Variants in SLC9A7 observed in about 807,000 individuals in gnomAD.
The protein encoded by SLC9A7 is sodium/hydrogen exchanger 7.
In SLC9A7, 19 loss-of-function variants were observed where a neutral mutation model predicts 52.6. The ratio of observed to expected loss-of-function variants is 0.36; its 90% CI spans 0.25 to 0.53. SLC9A7 has a LOEUF of 0.53. SLC9A7 is among the 20% of genes least tolerant of loss of function. The pLI, the probability that SLC9A7 is intolerant of heterozygous loss-of-function variation, is 0.91. For missense variants in SLC9A7, 455 were observed against 597.9 expected, an observed-to-expected ratio of 0.76 and a Z score of 2.49; for synonymous variants, 226 against 252.1, an observed-to-expected ratio of 0.90 and a Z score of 0.98.
chrX:46,748,355 A>AAAAG (rs201977520), intron 1 of SLC9A7, among the ~76,000 whole-genome samples: 1 of 59,964 alleles, frequency 1.7e-5, no homozygotes, highest in South Asian at 9.8e-4. Flanking sequence ...AAAAAAAAAA[A>AAAAG]AAAGAAAGAA....
chrX:46,697,720 C>T (rs1450792623), intron 1 of SLC9A7, among the ~76,000 whole-genome samples: 8 of 111,771 alleles, frequency 7.2e-5, no homozygotes, highest in Non-Finnish European at 1.5e-4. Flanking sequence ...ATCTGGGCAC[C>T]TTGAAAAAAG....
chrX:46,741,109 T>C (rs1287798113), intron 1 of SLC9A7, among the ~76,000 whole-genome samples: 2 of 112,046 alleles, frequency 1.8e-5, no homozygotes, highest in East Asian at 5.5e-4. Flanking sequence ...GACCTGTACA[T>C]TGAAACTATA....
Position 46,613,378 on chromosome X carries a change from G to C in SLC9A7, c.1840C>G (p.Leu614Val), listed in dbSNP as rs780977373. The change falls in exon 16 of 17, where the codon CTC becomes GTC. Residue 614 changes from leucine (L) to valine (V), a missense_variant. This residue lies in a region of SLC9A7 where 146 missense variants were observed against 160.5 expected (regional missense o/e 0.91). Coordinates refer to ENST00000616978, the MANE Select transcript of SLC9A7 (RefSeq NM_001257291.2). ...SFDHNYLKPI[L>V]THSGPPLTTT... Reference sequence around the variant, plus strand: ...GTTAGTGGGGGACCACTGTGTGTGAGGATGGGCTTCAGGTAACTTTAAAAT... The same window carrying C: ...GTTAGTGGGGGACCACTGTGTGTGACGATGGGCTTCAGGTAACTTTAAAAT... 3 of 1,193,695 alleles carry C rather than the reference G, an allele frequency of 2.5e-6. No homozygotes were observed. The highest frequency in any genetic ancestry group is 3.4e-6 in the Non-Finnish European group (3 of 885,132).
intron 7 of SLC9A7, among the ~76,000 whole-genome samples, chrX:46,656,127 G>C (rs1470262493): frequency 9.0e-6 from 1 of 111,328 alleles, no homozygotes; most frequent in Admixed American, 9.5e-5. Context: ...CACCTCACAC[G>C]GCCGGTTACT....
intron 1 of SLC9A7, among the ~76,000 whole-genome samples, chrX:46,682,960 A>T (rs868658467): frequency 1.7e-4 from 11 of 64,902 alleles, no homozygotes; most frequent in African/African-American, 4.2e-4. Flanking sequence ...CACCCGGCTA[A>T]TTTTTTTTTT....
chrX:46,607,855 A>G (rs970294352), intron 16 of SLC9A7, among the ~76,000 whole-genome samples: 4 of 112,020 alleles, frequency 3.6e-5, no homozygotes, highest in Non-Finnish European at 7.5e-5. Flanking sequence ...GAGGTCAGAC[A>G]GGACCTTCTT....
intron 7 of SLC9A7, among the ~76,000 whole-genome samples, chrX:46,658,795 C>T (rs1488502962): frequency 9.1e-6 from 1 of 110,155 alleles, no homozygotes; most frequent in Non-Finnish European, 1.9e-5. Flanking sequence ...ACCAGAGGTA[C>T]AAGGAGGAAC....
chrX:46,680,708 G>T (rs1335371533), intron 2 of SLC9A7, among the ~76,000 whole-genome samples: 1 of 112,406 alleles, frequency 8.9e-6, no homozygotes, highest in African/African-American at 3.2e-5. Flanking sequence ...CTATAAACAT[G>T]CTAATCTTTT....
intron 12 of SLC9A7, among the ~76,000 whole-genome samples, chrX:46,637,008 G>A (rs1192536710): frequency 8.9e-6 from 1 of 112,059 alleles, no homozygotes; most frequent in Non-Finnish European, 1.9e-5. Flanking sequence ...CTTAATGTAA[G>A]ATTCATTGTC....
chrX:46,738,087 GAAAGAAAGAAAGAAAGAAAGAGA>G (rs1569525266), intron 1 of SLC9A7, among the ~76,000 whole-genome samples: 15 of 67,872 alleles, frequency 2.2e-4, no homozygotes, highest in South Asian at 6.1e-4. Flanking sequence ...AAGAAAGAAA[GAAAGAAAGAAAGAAAGAAAGAGA>G]AAAGAAAAGA....
rs1259127290 is a variant in SLC9A7, at chrX:46,601,087, T to G, written c.*5865A>C. On this transcript the variant is annotated 3_prime_UTR_variant, in exon 17 of 17. Coordinates refer to ENST00000616978, the MANE Select transcript of SLC9A7 (RefSeq NM_001257291.2). ...CTTGTCAAGTTCCCCACTTTTGAAG[T>G]GGAATAAGAAGTCATATACTTGTGA... 8.9e-6 allele frequency: 1 copy of G among 112,499 alleles called. No individual in the cohort carries two copies. The highest frequency in any genetic ancestry group is 1.9e-5 in the Non-Finnish European group (1 of 53,318). 9.3% of individuals were successfully genotyped at this position (112,499 alleles called of 1,213,427 possible).
rs1466155810 is a variant in SLC9A7, at chrX:46,609,662, T to C, written c.1930-2459A>G. Among the ~76,000 whole-genome samples the C allele has an allele frequency of 2.7e-5, 3 of 109,772 alleles. No homozygotes were observed. In the South Asian group the frequency reaches 1.2e-3, roughly 43 times the overall value. On this transcript the variant is annotated intron_variant, in intron 16 of 16. Transcript: ENST00000616978. ...TTGCAGCAAGCCAAGATTGCACCAC[T>C]GCACTCCCACCTGGGTGACAGAGCA... is the stretch of plus-strand genomic sequence containing the variant.
chrX:46,714,530 T>G (rs1322152369), intron 1 of SLC9A7, among the ~76,000 whole-genome samples: 1 of 111,533 alleles, frequency 9.0e-6, no homozygotes, highest in East Asian at 2.8e-4. Flanking sequence ...CCAATCTAAT[T>G]TGGCAGGTTT....
At chrX:46,685,542 G>A (rs1944281761) in intron 1 of SLC9A7, 1 of 111,621 alleles carries the variant, frequency 9.0e-6, no homozygotes, top group Non-Finnish European at 1.9e-5. Flanking sequence ...CATGCCAAGT[G>A]TCTCAGCCTC....
intron 11 of SLC9A7, 51 bp downstream of exon 11, chrX:46,648,635 C>T (rs755114553): frequency 5.4e-6 from 5 of 920,869 alleles, no homozygotes; most frequent in Non-Finnish European, 7.8e-6. Flanking sequence ...TAATCATATT[C>T]TTGTTACCTG....
chrX:46,634,994 T>C lies in SLC9A7; in HGVS notation c.1676+595A>G, dbSNP rs145316800. Reference sequence around the variant, plus strand: ...GCCCAGACATCACCACCCTTAAGCATAGTTATATCATAAACTTGGAAGGAT... The same window carrying C: ...GCCCAGACATCACCACCCTTAAGCACAGTTATATCATAAACTTGGAAGGAT... On this transcript the variant is annotated intron_variant, in intron 13 of 16. Transcript: ENST00000616978. Among the ~76,000 whole-genome samples, 885 of 111,800 alleles carry C rather than the reference T, an allele frequency of 7.9e-3. 8 individuals are homozygous for C. The highest frequency in any genetic ancestry group is 0.027 in the African/African-American group (845 of 30,767).
intron 14 of SLC9A7, among the ~76,000 whole-genome samples, chrX:46,621,692 T>C (rs746980402): frequency 1.4e-3 from 154 of 112,398 alleles, no homozygotes; most frequent in African/African-American, 4.6e-3. Context: ...CTCATGCCCT[T>C]CCAGTTTAAA....
chrX:46,667,642 G>A (rs1943942835), intron 5 of SLC9A7, among the ~76,000 whole-genome samples: 1 of 111,654 alleles, frequency 9.0e-6, no homozygotes, highest in Non-Finnish European at 1.9e-5. Context: ...CTGATGGAGA[G>A]GACCCCCAAG....
At chrX:46,635,536 AGAG>A in intron 13 of SLC9A7, 50 bp downstream of exon 13, 1 of 956,990 alleles carries the variant, frequency 1.0e-6, no homozygotes. Flanking sequence ...GAGGTTAGAA[AGAG>A]GAGAAAAGCC....
Sources: allele counts gnomAD v4.1 joint callset (sites outside exome capture counted in the v4.1 genomes callset), GRCh38; gene constraint gnomAD v4.1.1; regional missense constraint gnomAD v4.1.1; transcripts MANE v1.5; gene names NCBI Gene and HGNC (gene_info 2026-07-23, HGNC 2026-07-21).